DHX9: variants seen among roughly 807,000 people sequenced by gnomAD.
The protein encoded by DHX9 is ATP-dependent RNA helicase A.
DHX9 carries 27 observed loss-of-function variants against 148.7 expected under a neutral mutation model. The observed-to-expected ratio is 0.18, with a 90% CI of 0.13 to 0.25. DHX9 has a LOEUF of 0.25. Ranked by LOEUF, DHX9 falls within the 10% of genes least tolerant of loss-of-function variation. The pLI is 1.00. For missense variants in DHX9, 796 were observed against 1,559.6 expected (o/e 0.51, Z 8.25); for synonymous variants, 529 against 516.6 (o/e 1.02, Z -0.33).
rs777865838 is a variant in DHX9, at chr1:182,842,549, G to T, written c.-18G>T. On this transcript the variant is annotated 5_prime_UTR_variant, in exon 2 of 28. Coordinates refer to ENST00000367549, the MANE Select transcript of DHX9 (RefSeq NM_001357.5). ...AACTGACTTTTGTTTTCTTAGATCT[G>T]AAGAAGACACTTGAATCATGGGTGA... is the stretch of plus-strand genomic sequence containing the variant. 3 of 1,590,986 alleles carry T rather than the reference G, an allele frequency of 1.9e-6. No individual in the cohort carries two copies. The South Asian group carries it at 3.4e-5, about 18-fold the overall frequency.
At chr1:182,844,121 T>C (rs1667982612) in intron 3 of DHX9, among the ~76,000 whole-genome samples, 1 of 152,152 alleles carries the variant, frequency 6.6e-6, no homozygotes, top group Admixed American at 6.5e-5. Context: ...CTATTTTTTA[T>C]GTTTTTAGTA....
At chr1:182,865,773 T>G (rs1648268349) in intron 12 of DHX9, among the ~76,000 whole-genome samples, 1 of 152,192 alleles carries the variant, frequency 6.6e-6, no homozygotes. Context: ...ATTAGGCATG[T>G]CCTCATAGTA....
chr1:182,858,571 C>A lies in DHX9; in HGVS notation c.831C>A (p.Asn277Lys). The A allele has an allele frequency of 6.2e-7, 1 of 1,610,252 alleles. No homozygotes were observed. Among genetic ancestry groups the A allele is most frequent in the Non-Finnish European group, 8.5e-7 (1 of 1,177,888 alleles). Residue 277 changes from asparagine (N) to lysine (K), a missense_variant, in exon 9 of 28, where the codon AAC becomes AAA. By Grantham distance (94) the Asn-to-Lys change is moderately conservative. This residue lies in a region of DHX9 where 63 missense variants were observed against 78.6 expected (regional missense o/e 0.80). Coordinates refer to ENST00000367549, the MANE Select transcript of DHX9 (RefSeq NM_001357.5). ...EGETVEPYKV[N>K]LSQDLEHQLQ... ...CATAGGTGGAGCCTTACAAAGTAAA[C>A]CTCTCTCAAGATTTAGAGCATCAGC... is the stretch of plus-strand genomic sequence containing the variant.
intron 11 of DHX9, 92 bp downstream of exon 11, chr1:182,859,209 T>C (rs1668310644): frequency 4.5e-6 from 5 of 1,105,446 alleles, no homozygotes; most frequent in Middle Eastern, 2.1e-4. Context: ...TTTTGCCCTT[T>C]TAAGGAGGGC....
At position 182,881,179 on chromosome 1, in the gene DHX9, G is replaced by A. The variant is rs1260635136; in HGVS notation, c.2625-85G>A. The A allele has an allele frequency of 2.2e-6, 3 of 1,391,630 alleles. No individual in the cohort carries two copies. In the Admixed American group the frequency reaches 7.0e-5, roughly 33 times the overall value. 86.2% of individuals were successfully genotyped at this position (1,391,630 alleles called of 1,614,324 possible). ...AAGTAGAATCATAGCCATAAAGACT[G>A]CAACCCACAGTCGACAGTCCTACCT... On this transcript the variant is annotated intron_variant, in intron 22 of 27. Coordinates refer to ENST00000367549, the MANE Select transcript of DHX9 (RefSeq NM_001357.5).
In DHX9 at chr1:182,887,745, C is replaced by A. The variant is rs1475479681; in HGVS notation, c.*311C>A. ...ATACAATAGAAAATAAAGTATTACA[C>A]CGAATACTTGCCGTGTAGTTTGTTT... On this transcript the variant is annotated 3_prime_UTR_variant, in exon 28 of 28. Transcript: ENST00000367549. 2 of 262,280 alleles carry A rather than the reference C, an allele frequency of 7.6e-6. No homozygotes were observed. The highest frequency in any genetic ancestry group is 7.4e-6 in the Non-Finnish European group (1 of 135,714). The allele number at this position is 262,280 out of a possible 1,614,324, so 16.2% of individuals were successfully genotyped here.
intron 24 of DHX9, 49 bp downstream of exon 24, chr1:182,881,696 G>T: frequency 6.6e-7 from 1 of 1,521,434 alleles, no homozygotes; most frequent in Non-Finnish European, 8.8e-7. Context: ...CATTTATATA[G>T]TACATGCAAA....
intron 24 of DHX9, among the ~76,000 whole-genome samples, chr1:182,882,822 G>A (rs940872925): frequency 2.0e-5 from 3 of 149,190 alleles, no homozygotes; most frequent in East Asian, 3.9e-4. Flanking sequence ...CAGAGATGGC[G>A]CCACTGCACT....
rs1369985364 is a variant in DHX9 at position 182,850,604 on chromosome 1, A to G, written c.253-1629A>G. On this transcript the variant is annotated intron_variant, in intron 3 of 27. Transcript: ENST00000367549. ...AGTGAGACCCTGTCTCAAAAAAAAA[A>G]AAAAAGGTTTTAAATGGGAACAGAT... 2.0e-5 allele frequency among the ~76,000 whole-genome samples: 3 copies of G among 152,154 alleles called. No homozygotes were observed. The East Asian group carries it at 5.8e-4, about 29-fold the overall frequency.
chr1:182,852,347 A>C lies in DHX9; in HGVS notation c.364+3A>C, dbSNP rs1411707897. The C allele has an allele frequency of 1.9e-6, 3 of 1,592,192 alleles. No homozygotes were observed. Among genetic ancestry groups the C allele is most frequent in the Admixed American group, 3.5e-5 (2 of 57,692 alleles). On this transcript the variant is annotated splice_donor_region_variant and intron_variant, in intron 4 of 27. Coordinates refer to ENST00000367549, the MANE Select transcript of DHX9 (RefSeq NM_001357.5). ...TCCACATCTGGCTCTCAAAGCAGGT[A>C]AGGGACTTGAATCCATGCACGTGGT...
At chr1:182,881,088 TTTTC>T (rs1463821300) in intron 22 of DHX9, among the ~76,000 whole-genome samples, 172 bp from the exon 23 acceptor site, 2 of 152,242 alleles carry the variant, frequency 1.3e-5, no homozygotes, top group Non-Finnish European at 2.9e-5. Context: ...CAGAGCATTT[TTTTC>T]TTTCTGATTC....
intron 14 of DHX9, among the ~76,000 whole-genome samples, chr1:182,869,995 AAAT>A (rs777592876): frequency 1.9e-4 from 29 of 152,254 alleles, no homozygotes; most frequent in Non-Finnish European, 3.7e-4. Flanking sequence ...CAATTACTAC[AAAT>A]AATAGAATTT....
intron 15 of DHX9, among the ~76,000 whole-genome samples, chr1:182,874,542 T>TTCCATGTATA (rs1391785751): frequency 2.0e-5 from 3 of 152,218 alleles, no homozygotes; most frequent in African/African-American, 7.2e-5. Context: ...AGTTACTTCT[T>TTCCATGTATA]TCCATGTATA....
At position 182,887,519 on chromosome 1, in the gene DHX9, T is replaced by C; in HGVS notation, c.*85T>C. ...TACGTGTTTTTTCCAGTATGTTTAT[T>C]TGCCACCAAAAAGTAAATGCATTTT... On this transcript the variant is annotated 3_prime_UTR_variant, in exon 28 of 28. Coordinates refer to ENST00000367549, the MANE Select transcript of DHX9 (RefSeq NM_001357.5). 1 of 1,269,506 alleles carries C rather than the reference T, an allele frequency of 7.9e-7. No homozygotes were observed. Among genetic ancestry groups the C allele is most frequent in the Non-Finnish European group, 1.1e-6 (1 of 921,250 alleles). The allele number at this position is 1,269,506 out of a possible 1,614,324, so 78.6% of individuals were successfully genotyped here.
At chr1:182,877,258 A>G (rs1460294384) in intron 19 of DHX9, among the ~76,000 whole-genome samples, 1 of 152,126 alleles carries the variant, frequency 6.6e-6, no homozygotes, top group Non-Finnish European at 1.5e-5. Flanking sequence ...GCACATGACA[A>G]ATATCCTACC....
intron 21 of DHX9, 53 bp from the exon 22 acceptor site, chr1:182,880,444 G>A: frequency 8.2e-7 from 1 of 1,222,876 alleles, no homozygotes; most frequent in Non-Finnish European, 1.2e-6. Context: ...TGTTTTGTCT[G>A]CCTAAAATTA....
Position 182,871,515 on chromosome 1 carries a change from A to G in DHX9, c.1558-822A>G, listed in dbSNP as rs570574401. 8.5e-5 allele frequency among the ~76,000 whole-genome samples: 13 copies of G among 152,344 alleles called. 1 individual carries two copies. The South Asian group carries it at 2.3e-3, about 27-fold the overall frequency. Reference sequence around the variant, plus strand: ...ACATACCCTATAGCTTGGCAATTCCATACCCATGTTTAACCTACAGAAACT... The same window carrying G: ...ACATACCCTATAGCTTGGCAATTCCGTACCCATGTTTAACCTACAGAAACT... On this transcript the variant is annotated intron_variant, in intron 14 of 27. Transcript: ENST00000367549.
chr1:182,860,305 TA>T (rs1335269962), intron 12 of DHX9, 121 bp downstream of exon 12: 6 of 887,346 alleles, frequency 6.8e-6, no homozygotes, highest in Middle Eastern at 2.4e-4. Context: ...AAATTAAATT[TA>T]AAAAAAGAAA....
At chr1:182,860,622 A>G (rs573985539) in intron 12 of DHX9, among the ~76,000 whole-genome samples, 5 of 152,248 alleles carry the variant, frequency 3.3e-5, no homozygotes, top group Non-Finnish European at 7.3e-5. Flanking sequence ...CCTAAGATGT[A>G]AGTACTATTT....
Sources: gnomAD v4.1 joint callset for allele counts (sites outside exome capture counted in the v4.1 genomes callset) on GRCh38, gnomAD v4.1.1 for gene constraint, gnomAD v4.1.1 regional missense constraint, MANE v1.5 for transcripts, NCBI Gene and HGNC (gene_info 2026-07-23, HGNC 2026-07-21) for gene names.